CMTR1: variants seen among roughly 807,000 people sequenced by gnomAD.
The protein encoded by CMTR1 is cap-specific mRNA (nucleoside-2'-O-)-methyltransferase 1.
A neutral mutation model predicts 107.0 loss-of-function variants in CMTR1; 39 were observed. That is an observed-to-expected ratio of 0.36 (90% CI 0.28 to 0.48). The LOEUF is 0.48. Among genes scored for constraint, CMTR1 ranks in the 20% least tolerant of loss-of-function variants. The pLI, the probability that CMTR1 is intolerant of heterozygous loss-of-function variation, is 0.99. For synonymous variants in CMTR1, 366 were observed against 379.5 expected (o/e 0.96, Z 0.41); for missense variants, 672 against 1,064.9 (o/e 0.63, Z 5.14).
chr6:37,461,695 T>C (rs1761405937), intron 11 of CMTR1, 50 bp downstream of exon 11: 1 of 1,247,026 alleles, frequency 8.0e-7, no homozygotes, highest in African/African-American at 1.5e-5. Flanking sequence ...TTAGAGGCCC[T>C]ATTGGACAAG....
chr6:37,463,267 A>G (rs1196180945), intron 13 of CMTR1, among the ~76,000 whole-genome samples: 1 of 152,224 alleles, frequency 6.6e-6, no homozygotes, highest in African/African-American at 2.4e-5. Flanking sequence ...GCCTGTGTAT[A>G]ACAGTGAAAG....
intron 3 of CMTR1, 113 bp from the exon 4 acceptor site, chr6:37,446,178 A>G: frequency 1.7e-6 from 2 of 1,162,178 alleles, no homozygotes; most frequent in African/African-American, 1.5e-5. Flanking sequence ...GACAAACTTT[A>G]GACTTTAATC....
At chr6:37,428,008 C>CAGAGAGAGAGAG in the CMTR1 span, among the ~76,000 whole-genome samples, 1,205 of 114,762 alleles carry the variant, frequency 0.011, 39 homozygotes, top group South Asian at 0.018. Flanking sequence ...GCAACAGAGA[C>CAGAGAGAGAGAG]AGAGAGAGAG....
At chr6:37,460,582 C>CT (rs1294396122) in intron 10 of CMTR1, among the ~76,000 whole-genome samples, 1 of 151,568 alleles carries the variant, frequency 6.6e-6, no homozygotes, top group Non-Finnish European at 1.5e-5. Flanking sequence ...TGAGAAGCAT[C>CT]TTTAAGTCTG....
chr6:37,440,411 G>A (rs988139937), intron 2 of CMTR1, among the ~76,000 whole-genome samples: 1 of 152,198 alleles, frequency 6.6e-6, no homozygotes, highest in Non-Finnish European at 1.5e-5. Context: ...AGTAGTGGCT[G>A]TGGCAGTCTG....
At chr6:37,433,031 C>G (rs556302744), upstream of CMTR1, among the ~76,000 whole-genome samples, 1 of 152,372 alleles carries the variant, frequency 6.6e-6, no homozygotes, top group African/African-American at 2.4e-5. Context: ...TTCCTCAGAG[C>G]CAAAGGAGGA....
At position 37,480,958 on chromosome 6, in the gene CMTR1, G is replaced by C; in HGVS notation, c.*813G>C. 7.9e-7 allele frequency: 1 copy of C among 1,258,176 alleles called. No individual in the cohort carries two copies. The highest frequency in any genetic ancestry group is 1.0e-6 in the Non-Finnish European group (1 of 971,312). The allele number at this position is 1,258,176 out of a possible 1,614,324, so 77.9% of individuals were successfully genotyped here. A position where few individuals can be genotyped will look rare whatever the true frequency, so the allele number is the denominator to read the frequency against. ...CCCGTCTTTCCCCCACAGCAGCAGGGGCCCCAGCAGTAACAAAGGGTACCT... is the reference window on the plus strand; with the variant it reads ...CCCGTCTTTCCCCCACAGCAGCAGGCGCCCCAGCAGTAACAAAGGGTACCT... On this transcript the variant is annotated 3_prime_UTR_variant, in exon 24 of 24. Coordinates refer to ENST00000373451, the MANE Select transcript of CMTR1 (RefSeq NM_015050.3).
rs1284827111 is a variant in CMTR1 at position 37,459,661 on chromosome 6, G to A, written c.1072G>A (p.Val358Ile). The change falls in exon 10 of 24, where the codon GTC (valine) becomes ATC (isoleucine). Residue 358 changes from valine (V) to isoleucine (I), a missense_variant. Val to Ile is a conservative substitution (Grantham distance 29). Coordinates refer to ENST00000373451, the MANE Select transcript of CMTR1 (RefSeq NM_015050.3). ...FVLDNTDRKG[V>I]HFLMADGGFS... ...CCTGGATAACACAGATCGCAAGGGTGTCCATTTTCTGATGGCTGATGGGGT... is the reference window on the plus strand; with the variant it reads ...CCTGGATAACACAGATCGCAAGGGTATCCATTTTCTGATGGCTGATGGGGT... 6.2e-7 allele frequency: 1 copy of A among 1,613,980 alleles called. No individual in the cohort carries two copies. Among genetic ancestry groups the A allele is most frequent in the Non-Finnish European group, 8.5e-7 (1 of 1,179,964 alleles).
intron 13 of CMTR1, among the ~76,000 whole-genome samples, chr6:37,464,446 G>A (rs1208362087): frequency 2.0e-5 from 3 of 149,032 alleles, no homozygotes; most frequent in African/African-American, 2.5e-5. Flanking sequence ...CATCCTGGGC[G>A]ACAGAGGAAG....
At position 37,433,377 on chromosome 6, in the gene CMTR1, C is replaced by G. The variant is rs1771431190; in HGVS notation, c.-7C>G. The stretch of plus-strand genomic sequence containing the variant: ...CCGGCAGCTCGCTCTCTCCCCTCAG[C>G]GTGAGTGCCGACGCGCGGCCCGGGG... On this transcript the variant is annotated splice_region_variant and 5_prime_UTR_variant, in exon 1 of 24. Coordinates refer to ENST00000373451, the MANE Select transcript of CMTR1 (RefSeq NM_015050.3). 1 of 152,490 alleles carries G rather than the reference C, an allele frequency of 6.6e-6. No individual in the cohort carries two copies. The highest frequency in any genetic ancestry group is 1.5e-5 in the Non-Finnish European group (1 of 68,240). 9.4% of individuals were successfully genotyped at this position (152,490 alleles called of 1,614,324 possible). A position where few individuals can be genotyped will look rare whatever the true frequency, so the allele number is the denominator to read the frequency against.
At chr6:37,454,256 A>G (rs2113874682) in intron 8 of CMTR1, among the ~76,000 whole-genome samples, 1 of 152,318 alleles carries the variant, frequency 6.6e-6, no homozygotes, top group Non-Finnish European at 1.5e-5. Flanking sequence ...TCCACTGGCT[A>G]AAGAAACTTG....
At chr6:37,451,118 G>A (rs529542499) in intron 5 of CMTR1, among the ~76,000 whole-genome samples, 1 of 151,688 alleles carries the variant, frequency 6.6e-6, no homozygotes. Context: ...GTTAACATTA[G>A]CCTTTTAAAC....
At chr6:37,469,601 C>T (rs1368791246) in intron 13 of CMTR1, among the ~76,000 whole-genome samples, 17 of 127,168 alleles carry the variant, frequency 1.3e-4, no homozygotes, top group African/African-American at 3.8e-4. Context: ...GATCTCGGCT[C>T]GCTGCCACCT....
At chr6:37,428,025 A>AGAGAGAGAGG in the CMTR1 span, among the ~76,000 whole-genome samples, 9 of 126,082 alleles carry the variant, frequency 7.1e-5, no homozygotes, top group East Asian at 1.9e-3. Context: ...AGAGAGAGAG[A>AGAGAGAGAGG]GAGAGAGAGA....
chr6:37,457,446 GAGA>G (rs1761319899), intron 8 of CMTR1, among the ~76,000 whole-genome samples: 1 of 152,104 alleles, frequency 6.6e-6, no homozygotes, highest in Admixed American at 6.5e-5. Flanking sequence ...CGCTGGGCAG[GAGA>G]AGAAAAAAGG....
chr6:37,448,583 A>G (rs1771860673), intron 4 of CMTR1, among the ~76,000 whole-genome samples: 1 of 152,266 alleles, frequency 6.6e-6, no homozygotes, highest in South Asian at 2.1e-4. Flanking sequence ...AAAAGGCTTC[A>G]GTAATTTTTC....
At chr6:37,443,225 G>A (rs984500760) in intron 2 of CMTR1, among the ~76,000 whole-genome samples, 2 of 152,142 alleles carry the variant, frequency 1.3e-5, no homozygotes, top group African/African-American at 2.4e-5. Context: ...AAAAATGTTA[G>A]CCTTATAATG....
At chr6:37,477,688 C>T (rs750902842) in intron 21 of CMTR1, 49 bp downstream of exon 21, 12 of 1,315,588 alleles carry the variant, frequency 9.1e-6, no homozygotes, top group East Asian at 4.7e-5. Flanking sequence ...GGTGGGGGTG[C>T]GGCCGTGTCC....
At chr6:37,465,247 A>G (rs1335202995) in intron 13 of CMTR1, among the ~76,000 whole-genome samples, 3 of 151,824 alleles carry the variant, frequency 2.0e-5, no homozygotes, top group Non-Finnish European at 4.4e-5. Context: ...AGCCTGGGCA[A>G]TGAGTGAGAC....
Sources: allele counts gnomAD v4.1 joint callset (sites outside exome capture counted in the v4.1 genomes callset), GRCh38; gene constraint gnomAD v4.1.1; transcripts MANE v1.5; gene names NCBI Gene and HGNC (gene_info 2026-07-23, HGNC 2026-07-21).